The following ITGA8 variants were observed in gnomAD, a reference collection of about 807,000 sequenced individuals.
The protein encoded by ITGA8 is integrin alpha-8.
Under a neutral mutation model 142.3 loss-of-function variants are expected in ITGA8, and 91 were observed. The ratio of observed to expected loss-of-function variants is 0.64; its 90% CI spans 0.54 to 0.76. ITGA8 has a LOEUF of 0.76. Among genes scored for constraint, ITGA8 ranks in the 30% least tolerant of loss-of-function variants. The pLI is 0.00. For missense variants in ITGA8, 1,406 were observed against 1,327.7 expected (o/e 1.06, Z -0.92); for synonymous variants, 505 against 485.2 (o/e 1.04, Z -0.54).
intron 27 of ITGA8, among the ~76,000 whole-genome samples, chr10:15,534,908 G>C (rs916163914): frequency 1.3e-5 from 2 of 152,214 alleles, no homozygotes; most frequent in African/African-American, 4.8e-5. Flanking sequence ...CACTGTGGGA[G>C]CCCCTTCCTG....
At chr10:15,549,864 T>C (rs1833761961) in intron 26 of ITGA8, among the ~76,000 whole-genome samples, 1 of 152,238 alleles carries the variant, frequency 6.6e-6, no homozygotes, top group Non-Finnish European at 1.5e-5. Context: ...GTTAGTAATA[T>C]ATTGTCTGAT....
At chr10:15,715,009 T>C (rs1207513193) in intron 2 of ITGA8, among the ~76,000 whole-genome samples, 1 of 152,166 alleles carries the variant, frequency 6.6e-6, no homozygotes. Flanking sequence ...ATATTTGCAA[T>C]ATACATTTTT....
chr10:15,606,198 G>T, intron 18 of ITGA8, 87 bp downstream of exon 18: 1 of 1,136,304 alleles, frequency 8.8e-7, no homozygotes, highest in Non-Finnish European at 1.2e-6. Flanking sequence ...AAAAATGAAA[G>T]GAGCTGGCTT....
rs376897350 is a variant in ITGA8, at chr10:15,642,817, C to G, written c.1399+1213G>C. 1.8e-3 allele frequency among the ~76,000 whole-genome samples: 269 copies of G among 152,152 alleles called. 1 individual carries two copies. The highest frequency in any genetic ancestry group is 6.3e-3 in the African/African-American group (260 of 41,498). ...TCTAATCCCAGAGGAGAGAAGAAAG[C>G]CAAAGGCCTGAAATTAATGATGTAT... On this transcript the variant is annotated intron_variant, in intron 13 of 29. Transcript: ENST00000378076.
At chr10:15,555,869 T>TA (rs1233754433) in intron 26 of ITGA8, among the ~76,000 whole-genome samples, 1 of 151,388 alleles carries the variant, frequency 6.6e-6, no homozygotes, top group Non-Finnish European at 1.5e-5. Context: ...ATAATTTTTT[T>TA]TGTATTTTTA....
In ITGA8 at chr10:15,619,055, A is replaced by G. The variant is rs114159805; in HGVS notation, c.1400-2496T>C. On this transcript the variant is annotated intron_variant, in intron 13 of 29. Coordinates refer to ENST00000378076, the MANE Select transcript of ITGA8 (RefSeq NM_003638.3). ...AGTGGCCCAGCTTCCTTATCAGTCA[A>G]GTGGGATAGCTGAGGTTTGTTCTTT... Among the ~76,000 whole-genome samples the G allele has an allele frequency of 2.1e-3, 314 of 152,254 alleles. 1 individual carries two copies. Among genetic ancestry groups the G allele is most frequent in the African/African-American group, 7.4e-3 (307 of 41,564 alleles).
intron 8 of ITGA8, among the ~76,000 whole-genome samples, chr10:15,667,354 C>T (rs192566439): frequency 1.2e-4 from 18 of 152,090 alleles, no homozygotes; most frequent in East Asian, 3.9e-4. Flanking sequence ...TCTGTGGTAT[C>T]GGTGGTGATA....
intron 2 of ITGA8, among the ~76,000 whole-genome samples, chr10:15,710,843 T>G (rs1333882446): frequency 6.6e-6 from 1 of 152,202 alleles, no homozygotes; most frequent in Non-Finnish European, 1.5e-5. Context: ...CCGGGTCAGG[T>G]CTTTGAATAA....
intron 26 of ITGA8, among the ~76,000 whole-genome samples, chr10:15,550,742 T>C (rs182928248): frequency 1.3e-5 from 2 of 152,168 alleles, no homozygotes; most frequent in East Asian, 3.9e-4. Flanking sequence ...CTAAGGAGTT[T>C]AGATTTTATT....
At chr10:15,696,589 T>G (rs927909352) in intron 2 of ITGA8, among the ~76,000 whole-genome samples, 1 of 152,168 alleles carries the variant, frequency 6.6e-6, no homozygotes, top group Non-Finnish European at 1.5e-5. Context: ...TAACATTTGC[T>G]CTACTTCAAG....
intron 25 of ITGA8, among the ~76,000 whole-genome samples, chr10:15,560,038 G>A (rs1833947204): frequency 6.6e-6 from 1 of 152,088 alleles, no homozygotes; most frequent in Admixed American, 6.6e-5. Flanking sequence ...TCACCACTTT[G>A]GGAGGCCGAG....
chr10:15,545,397 A>G (rs2131554981), intron 27 of ITGA8, among the ~76,000 whole-genome samples: 1 of 152,306 alleles, frequency 6.6e-6, no homozygotes, highest in Non-Finnish European at 1.5e-5. Flanking sequence ...CCTCTGGACT[A>G]TTGCAGTAGC....
intron 2 of ITGA8, among the ~76,000 whole-genome samples, chr10:15,702,220 C>T (rs1835177235): frequency 1.3e-5 from 2 of 151,906 alleles, no homozygotes; most frequent in Non-Finnish European, 2.9e-5. Context: ...TGCATGCTTA[C>T]ACGCACATTA....
At chr10:15,687,598 C>T (rs1564409208) in intron 3 of ITGA8, among the ~76,000 whole-genome samples, 1 of 152,018 alleles carries the variant, frequency 6.6e-6, no homozygotes, top group East Asian at 1.9e-4. Flanking sequence ...GGGAATAGTC[C>T]CATTTTTCTG....
At chr10:15,715,733 T>A (rs1182986567) in intron 2 of ITGA8, among the ~76,000 whole-genome samples, 1 of 152,266 alleles carries the variant, frequency 6.6e-6, no homozygotes, top group African/African-American at 2.4e-5. Context: ...TCTTTCGTTT[T>A]AACATTCTAC....
intron 25 of ITGA8, among the ~76,000 whole-genome samples, chr10:15,561,237 A>ATATATATATATATATATATATG (rs1833974744): frequency 1.1e-4 from 9 of 78,890 alleles, no homozygotes; most frequent in African/African-American, 8.0e-4. Flanking sequence ...ATATATATGT[A>ATATATATATATATATATATATG]TATATATATA....
chr10:15,690,233 C>T (rs1834908025), intron 2 of ITGA8, among the ~76,000 whole-genome samples: 2 of 152,184 alleles, frequency 1.3e-5, no homozygotes, highest in African/African-American at 4.8e-5. Context: ...TGGTCCACTG[C>T]TGTGTCCAGC....
chr10:15,707,588 C>T (rs113207817), intron 2 of ITGA8, among the ~76,000 whole-genome samples: 2,217 of 152,024 alleles, frequency 0.015, 46 homozygotes, highest in African/African-American at 0.051. Context: ...ATTGGGAGGC[C>T]GAGATGGGTG....
At position 15,671,641 on chromosome 10, in the gene ITGA8, G is replaced by C; in HGVS notation, c.809C>G (p.Ser270Ter). Residue 270 changes from serine to a stop codon, truncating the protein, a stop_gained, in exon 8 of 30, where the codon TCA becomes TGA. Coordinates refer to ENST00000378076, the MANE Select transcript of ITGA8 (RefSeq NM_003638.3). LOFTEE classifies it high-confidence loss of function. The stretch of plus-strand genomic sequence containing the variant: ...CCCAGTAAACTCCCCAGCAGCAACT[G>C]AGTATCCTGTTTTAAAGAAAAAGAA... The part of the protein sequence containing the change: ...ASYDDSYLGY[S>*]VAAGEFTGDS... The C allele has an allele frequency of 6.2e-7, 1 of 1,611,858 alleles. No individual in the cohort carries two copies. The highest frequency in any genetic ancestry group is 8.5e-7 in the Non-Finnish European group (1 of 1,178,216).
Sources: gnomAD v4.1 joint callset for allele counts (sites outside exome capture counted in the v4.1 genomes callset) on GRCh38, gnomAD v4.1.1 for gene constraint, MANE v1.5 for transcripts, NCBI Gene and HGNC (gene_info 2026-07-23, HGNC 2026-07-21) for gene names.